Variants in MED26 observed in about 807,000 individuals in gnomAD.
The protein encoded by MED26 is mediator complex subunit 26.
In MED26, 7 loss-of-function variants were observed where a neutral mutation model predicts 43.7. The observed-to-expected ratio is 0.16, with a 90% CI of 0.09 to 0.30. The LOEUF is 0.30. Among genes scored for constraint, MED26 ranks in the 10% least tolerant of loss-of-function variants. The pLI is 1.00. For synonymous variants in MED26, 375 were observed against 371.1 expected, an observed-to-expected ratio of 1.01 and a Z score of -0.12; for missense variants, 784 against 840.6, an observed-to-expected ratio of 0.93 and a Z score of 0.83.
chr19:16,603,614 C>T (rs1038551427), intron 1 of MED26, among the ~76,000 whole-genome samples: 18 of 152,256 alleles, frequency 1.2e-4, no homozygotes, highest in Admixed American at 3.3e-4. Flanking sequence ...CCGCAGTCTC[C>T]CCATCGGTCA....
intron 1 of MED26, among the ~76,000 whole-genome samples, chr19:16,580,475 T>C (rs2086039329): frequency 6.6e-6 from 1 of 151,884 alleles, no homozygotes; most frequent in African/African-American, 2.4e-5. Flanking sequence ...TTCAAGCAAT[T>C]CTCCTGCCTC....
intron 1 of MED26, among the ~76,000 whole-genome samples, chr19:16,592,177 C>A (rs577692582): frequency 1.3e-5 from 2 of 152,336 alleles, no homozygotes; most frequent in Admixed American, 1.3e-4. Flanking sequence ...CCTGGCACCA[C>A]CTGCACCCTG....
At position 16,628,020 on chromosome 19, in the gene MED26, G is replaced by T; in HGVS notation, c.-77C>A. The T allele has an allele frequency of 1.1e-6, 1 of 927,262 alleles. No individual in the cohort carries two copies. The highest frequency in any genetic ancestry group is 1.5e-6 in the Non-Finnish European group (1 of 681,790). The allele number at this position is 927,262 out of a possible 1,614,324, so 57.4% of individuals were successfully genotyped here. A position where few individuals can be genotyped will look rare whatever the true frequency, so the allele number is the denominator to read the frequency against. On this transcript the variant is annotated 5_prime_UTR_variant, in exon 1 of 3. Coordinates refer to ENST00000263390, the MANE Select transcript of MED26 (RefSeq NM_004831.5). ...GGCGGGGGACGGGGGTCACTCACTC[G>T]CCGGCCTCCGGGAGCCGGAGCCGCA...
At chr19:16,583,510 G>A (rs1313300521) in intron 1 of MED26, among the ~76,000 whole-genome samples, 1 of 152,172 alleles carries the variant, frequency 6.6e-6, no homozygotes, top group Non-Finnish European at 1.5e-5. Context: ...TGTTGGGTGG[G>A]GGTGGGGGGT....
Position 16,586,600 on chromosome 19 carries a change from C to T in MED26, c.73-8191G>A, listed in dbSNP as rs1282726023. ...CCTGAGAGGCAGGACCAGGGTGACC[C>T]AGGCATGCACGGGCCACCACAGCAG... On this transcript the variant is annotated intron_variant, in intron 1 of 2. Transcript: ENST00000263390. This position sits in a 1 kb window ranked among gnomAD's most constrained non-coding sequence, Gnocchi z 5.1. 6.6e-6 allele frequency among the ~76,000 whole-genome samples: 1 copy of T among 152,254 alleles called. No individual in the cohort carries two copies. Among genetic ancestry groups the T allele is most frequent in the Admixed American group, 6.5e-5 (1 of 15,294 alleles).
intron 1 of MED26, among the ~76,000 whole-genome samples, chr19:16,605,113 G>C (rs2086166585): frequency 6.6e-6 from 1 of 152,112 alleles, no homozygotes. Context: ...AGTTACACAG[G>C]TATACGAATT....
intron 1 of MED26, among the ~76,000 whole-genome samples, chr19:16,580,764 A>G (rs142741132): frequency 1.5e-3 from 226 of 152,166 alleles, no homozygotes; most frequent in Non-Finnish European, 2.8e-3. Context: ...CACTGCATCC[A>G]GCTCACACCC....
At chr19:16,601,299 G>A (rs74529461) in intron 1 of MED26, among the ~76,000 whole-genome samples, 4,036 of 151,474 alleles carry the variant, frequency 0.027, 154 homozygotes, top group Admixed American at 0.084. Context: ...GGGATTACAG[G>A]CATGCGCCAC....
At chr19:16,600,461 A>C (rs2122419514) in intron 1 of MED26, among the ~76,000 whole-genome samples, 1 of 152,190 alleles carries the variant, frequency 6.6e-6, no homozygotes, top group Admixed American at 6.5e-5. Flanking sequence ...CCCCCTATCC[A>C]ACTGCACATC....
At chr19:16,596,988 C>T (rs2086122919) in intron 1 of MED26, among the ~76,000 whole-genome samples, 1 of 152,212 alleles carries the variant, frequency 6.6e-6, no homozygotes, top group Admixed American at 6.5e-5. Context: ...ATCACGAAGT[C>T]CTATATCTCA....
chr19:16,625,607 A>G (rs1389461930), intron 1 of MED26, among the ~76,000 whole-genome samples: 6 of 151,312 alleles, frequency 4.0e-5, no homozygotes, highest in Non-Finnish European at 2.9e-5. Flanking sequence ...GGAGTTCATC[A>G]TTGGGCAGGG....
chr19:16,581,771 T>C (rs1009233923), intron 1 of MED26, among the ~76,000 whole-genome samples: 3 of 152,246 alleles, frequency 2.0e-5, no homozygotes, highest in African/African-American at 7.2e-5. Context: ...TGTGACTGTG[T>C]ATCCTTACCC....
At chr19:16,625,891 A>G (rs1454701689) in intron 1 of MED26, among the ~76,000 whole-genome samples, 1 of 152,186 alleles carries the variant, frequency 6.6e-6, no homozygotes, top group African/African-American at 2.4e-5. Context: ...ATAACTTCCC[A>G]AATCCATCCA....
chr19:16,599,276 C>T (rs956467309), intron 1 of MED26, among the ~76,000 whole-genome samples: 1 of 152,182 alleles, frequency 6.6e-6, no homozygotes, highest in Non-Finnish European at 1.5e-5. Flanking sequence ...AAAACATGCT[C>T]ACCTACAAGC....
chr19:16,605,149 G>A (rs867121742), intron 1 of MED26, among the ~76,000 whole-genome samples: 8 of 152,218 alleles, frequency 5.3e-5, no homozygotes, highest in Admixed American at 2.0e-4. Context: ...AAAATGTAGC[G>A]TAGAGCTAAA....
At chr19:16,600,084 C>G (rs1276291712) in intron 1 of MED26, among the ~76,000 whole-genome samples, 1 of 152,126 alleles carries the variant, frequency 6.6e-6, no homozygotes. Context: ...AGGCAGCCAG[C>G]CCAGGCCCAG....
intron 1 of MED26, among the ~76,000 whole-genome samples, chr19:16,616,109 A>G (rs2086225062): frequency 6.6e-6 from 1 of 152,242 alleles, no homozygotes; most frequent in African/African-American, 2.4e-5. Context: ...TGCAGAGACC[A>G]GGAGGAAGGC....
Position 16,575,952 on chromosome 19 carries a change from G to A in MED26, c.*75C>T, listed in dbSNP as rs987016265. On this transcript the variant is annotated 3_prime_UTR_variant, in exon 3 of 3. Transcript: ENST00000263390. ...CCAGCGCAGGAGGCAGCTGGGCCCC[G>A]GCCACCTGCCCACCTGCCTGCCCGC... 1.7e-5 allele frequency: 21 copies of A among 1,236,100 alleles called. No individual in the cohort carries two copies. Among genetic ancestry groups the A allele is most frequent in the Middle Eastern group, 2.2e-4 (1 of 4,470 alleles). 76.6% of individuals were successfully genotyped at this position (1,236,100 alleles called of 1,614,324 possible). A position where few individuals can be genotyped will look rare whatever the true frequency, so the allele number is the denominator to read the frequency against.
chr19:16,622,191 G>C (rs948459784), intron 1 of MED26, among the ~76,000 whole-genome samples: 1 of 152,174 alleles, frequency 6.6e-6, no homozygotes, highest in Non-Finnish European at 1.5e-5. Flanking sequence ...AATAAGGCAC[G>C]GGGAGAACTG....
Sources: gnomAD v4.1 joint callset for allele counts (sites outside exome capture counted in the v4.1 genomes callset) on GRCh38, gnomAD v4.1.1 for gene constraint, Gnocchi (gnomAD v3.1) non-coding constraint, MANE v1.5 for transcripts, NCBI Gene and HGNC (gene_info 2026-07-23, HGNC 2026-07-21) for gene names.